CCDC170: variants seen among roughly 807,000 people sequenced by gnomAD.
CCDC170 encodes the protein coiled-coil domain containing 170, also known as coiled-coil domain-containing protein 170.
A neutral mutation model predicts 72.6 loss-of-function variants in CCDC170; 69 were observed. That is an observed-to-expected ratio of 0.95 (90% confidence interval 0.78 to 1.16). The LOEUF (loss-of-function observed/expected upper bound fraction) is 1.16, where lower values mean the gene tolerates loss of function less well. CCDC170 is among the 50% of genes most tolerant of loss of function. The pLI is 0.00. For missense variants in CCDC170, 852 were observed against 832.5 expected (o/e 1.02, Z -0.29); for synonymous variants, 300 against 303.9 (o/e 0.99, Z 0.13).
chr6:151,503,281 G>A (rs1469631569), intron 1 of CCDC170, among the ~76,000 whole-genome samples: 1 of 151,708 alleles, frequency 6.6e-6, no homozygotes, highest in East Asian at 1.9e-4. Flanking sequence ...AGAAAATAAA[G>A]CAGAATAACA....
intron 7 of CCDC170, among the ~76,000 whole-genome samples, chr6:151,589,977 C>T (rs184825993): frequency 9.9e-4 from 151 of 152,226 alleles, no homozygotes; most frequent in African/African-American, 3.1e-3. Flanking sequence ...TAGCAGCACT[C>T]GTCTGGCGTC....
In CCDC170 at chr6:151,585,381, C is replaced by A. The variant is rs192943102; in HGVS notation, c.1093-508C>A. ...TCCCTGGAGTTTAGGGCATAGGTAA[C>A]CAATCTTCAACAGAAAGCTGAAAAA... On this transcript the variant is annotated intron_variant, in intron 6 of 10. Transcript: ENST00000239374. 4.4e-3 allele frequency among the ~76,000 whole-genome samples: 676 copies of A among 152,274 alleles called. 3 individuals carry two copies. Among genetic ancestry groups the A allele is most frequent in the Non-Finnish European group, 8.1e-3 (550 of 68,028 alleles).
chr6:151,620,896 T>A lies in CCDC170; in HGVS notation c.*2749T>A, dbSNP rs1448670836. The A allele has an allele frequency of 6.6e-6, 1 of 152,178 alleles. No homozygotes were observed. Among genetic ancestry groups the A allele is most frequent in the Non-Finnish European group, 1.5e-5 (1 of 68,036 alleles). 9.4% of individuals were successfully genotyped at this position (152,178 alleles called of 1,614,324 possible). A position where few individuals can be genotyped will look rare whatever the true frequency, so the allele number is the denominator to read the frequency against. On this transcript the variant is annotated 3_prime_UTR_variant, in exon 11 of 11. Transcript: ENST00000239374. ...GATCCATAGTGGTTAGTACTGTAATTTCTGTTTATTACATGAAATTACATT... is the reference window on the plus strand; with the variant it reads ...GATCCATAGTGGTTAGTACTGTAATATCTGTTTATTACATGAAATTACATT...
At chr6:151,583,990 C>T (rs56722032) in intron 6 of CCDC170, among the ~76,000 whole-genome samples, 68,737 of 151,996 alleles carry the variant, frequency 0.45, 18,124 homozygotes, top group Non-Finnish European at 0.6. Flanking sequence ...TCTCCGATCA[C>T]AGATCACCAT....
chr6:151,516,898 G>A (rs1407090018), intron 1 of CCDC170, among the ~76,000 whole-genome samples: 2 of 152,138 alleles, frequency 1.3e-5, no homozygotes, highest in Non-Finnish European at 2.9e-5. Flanking sequence ...CACATGCTTT[G>A]GCAAAAAGAG....
chr6:151,568,697 A>G (rs1194594368), intron 5 of CCDC170, among the ~76,000 whole-genome samples: 1 of 152,208 alleles, frequency 6.6e-6, no homozygotes, highest in Non-Finnish European at 1.5e-5. Flanking sequence ...TAGATGCACT[A>G]TTAAACACCT....
intron 6 of CCDC170, among the ~76,000 whole-genome samples, chr6:151,578,780 A>T (rs1326492924): frequency 6.6e-6 from 1 of 152,192 alleles, no homozygotes; most frequent in African/African-American, 2.4e-5. Context: ...CATATTCCCC[A>T]AGTGCAAATT....
At chr6:151,573,621 A>G in intron 6 of CCDC170, 130 bp downstream of exon 6, 2 of 929,924 alleles carry the variant, frequency 2.2e-6, no homozygotes, top group Non-Finnish European at 3.2e-6. Context: ...ATTTATAAAG[A>G]CAAAGAGGTT....
chr6:151,576,893 C>T lies in CCDC170; in HGVS notation c.1092+3402C>T, dbSNP rs1776310202. Among the ~76,000 whole-genome samples the T allele has an allele frequency of 1.3e-5, 2 of 152,188 alleles. 1 individual carries two copies. The highest frequency in any genetic ancestry group is 4.1e-4 in the South Asian group (2 of 4,828). ...TAATTCTGATGTGAAGGCTCCACGG[C>T]GGGTTCAGGCTCAGCTTGGCAGATT... On this transcript the variant is annotated intron_variant, in intron 6 of 10. Coordinates refer to ENST00000239374, the MANE Select transcript of CCDC170 (RefSeq NM_025059.4).
At chr6:151,540,914 T>G (rs2115050911) in intron 3 of CCDC170, among the ~76,000 whole-genome samples, 1 of 152,302 alleles carries the variant, frequency 6.6e-6, no homozygotes, top group East Asian at 1.9e-4. Flanking sequence ...ACAAATTAGA[T>G]CATGTCAATT....
At chr6:151,571,248 A>T (rs969619129) in intron 5 of CCDC170, among the ~76,000 whole-genome samples, 3 of 152,070 alleles carry the variant, frequency 2.0e-5, no homozygotes, top group Admixed American at 1.3e-4. Context: ...GCTCATTTAG[A>T]TGTAGAGTCT....
At position 151,567,901 on chromosome 6, in the gene CCDC170, A is replaced by G. The variant is rs991734829; in HGVS notation, c.775-5273A>G. 3.0e-4 allele frequency among the ~76,000 whole-genome samples: 46 copies of G among 152,040 alleles called. 1 individual carries two copies. Among genetic ancestry groups the G allele is most frequent in the Non-Finnish European group, 1.0e-4 (7 of 67,980 alleles). ...AGGCAGGCAGGCGGGTCACAAGGTC[A>G]GGAGTTCAAGACCAGCCTGACCAAC... On this transcript the variant is annotated intron_variant, in intron 5 of 10. Transcript: ENST00000239374.
intron 6 of CCDC170, among the ~76,000 whole-genome samples, chr6:151,579,579 G>A (rs895122735): frequency 6.6e-6 from 1 of 152,150 alleles, no homozygotes; most frequent in African/African-American, 2.4e-5. Context: ...GCTCTGTAGA[G>A]CACCCTCAGG....
At position 151,620,305 on chromosome 6, in the gene CCDC170, C is replaced by A. The variant is rs1415690039; in HGVS notation, c.*2158C>A. On this transcript the variant is annotated 3_prime_UTR_variant, in exon 11 of 11. Transcript: ENST00000239374. The stretch of plus-strand genomic sequence containing the variant: ...ACAGACCACACAGAGGGAGAGTGAC[C>A]AGGCTTTGCTTGTGGAGCGGGCATC... The A allele has an allele frequency of 6.6e-6, 1 of 152,108 alleles. No individual in the cohort carries two copies. The highest frequency in any genetic ancestry group is 1.5e-5 in the Non-Finnish European group (1 of 68,032). The allele number at this position is 152,108 out of a possible 1,614,324, so 9.4% of individuals were successfully genotyped here. A position where few individuals can be genotyped will look rare whatever the true frequency, so the allele number is the denominator to read the frequency against.
At chr6:151,550,712 G>A (rs1057006568) in intron 5 of CCDC170, among the ~76,000 whole-genome samples, 1 of 152,280 alleles carries the variant, frequency 6.6e-6, no homozygotes, top group Non-Finnish European at 1.5e-5. Context: ...AACCAACATG[G>A]TCAGGTTCTG....
intron 9 of CCDC170, among the ~76,000 whole-genome samples, chr6:151,598,698 G>A (rs1776660338): frequency 6.6e-6 from 1 of 152,148 alleles, no homozygotes; most frequent in African/African-American, 2.4e-5. Flanking sequence ...AAGAAGGAGG[G>A]GAGAGAAGAA....
intron 9 of CCDC170, among the ~76,000 whole-genome samples, chr6:151,612,007 C>T (rs1019391444): frequency 6.6e-6 from 1 of 152,130 alleles, no homozygotes; most frequent in Non-Finnish European, 1.5e-5. Context: ...CTGCGCCTGG[C>T]CAAAACTGGT....
chr6:151,558,240 T>G (rs1043793319), intron 5 of CCDC170, among the ~76,000 whole-genome samples: 12 of 147,976 alleles, frequency 8.1e-5, no homozygotes, highest in African/African-American at 2.5e-4. Context: ...GTGTTTTTTT[T>G]TTTTTTTTTT....
intron 9 of CCDC170, among the ~76,000 whole-genome samples, chr6:151,601,294 G>A (rs1273244695): frequency 2.0e-5 from 3 of 152,148 alleles, no homozygotes; most frequent in Non-Finnish European, 4.4e-5. Context: ...ATCTCCAACT[G>A]GGTCCCTCTC....
Sources: gnomAD v4.1 joint callset for allele counts (sites outside exome capture counted in the v4.1 genomes callset) on GRCh38, gnomAD v4.1.1 for gene constraint, MANE v1.5 for transcripts, NCBI Gene and HGNC (gene_info 2026-07-23, HGNC 2026-07-21) for gene names.